ME3: variants seen among roughly 807,000 people sequenced by gnomAD.
The protein encoded by ME3 is NADP-dependent malic enzyme, mitochondrial.
Under a neutral mutation model 68.9 loss-of-function variants are expected in ME3, and 48 were observed. The observed-to-expected ratio is 0.70, with a 90% CI of 0.55 to 0.89. The LOEUF is 0.89. ME3 is among the 40% of genes least tolerant of loss of function. The probability of loss-of-function intolerance (pLI) is 0.00; values close to 1 mark genes in which losing one functional copy is unlikely to be tolerated. For missense variants in ME3, 675 were observed against 797.4 expected, an observed-to-expected ratio of 0.85 and a Z score of 1.85; for synonymous variants, 320 against 318.8, an observed-to-expected ratio of 1.00 and a Z score of -0.04.
intron 14 of ME3, 53 bp from the exon 15 acceptor site, chr11:86,441,493 A>G: frequency 6.7e-7 from 1 of 1,501,074 alleles, no homozygotes; most frequent in Non-Finnish European, 8.9e-7. Context: ...AAACCTGCTT[A>G]AGGATCCTTG....
intron 4 of ME3, among the ~76,000 whole-genome samples, chr11:86,530,512 T>C (rs201400707): frequency 1.4e-4 from 21 of 152,186 alleles, no homozygotes; most frequent in African/African-American, 4.8e-4. Flanking sequence ...AAAGTTCATA[T>C]GGAACCAAAA....
chr11:86,535,270 C>A (rs906328632), intron 4 of ME3, among the ~76,000 whole-genome samples: 1 of 152,160 alleles, frequency 6.6e-6, no homozygotes, highest in African/African-American at 2.4e-5. Flanking sequence ...ATCTGTTCTT[C>A]CAGTCAGTAA....
chr11:86,544,737 G>T (rs1024062174), intron 4 of ME3, among the ~76,000 whole-genome samples: 8 of 152,134 alleles, frequency 5.3e-5, no homozygotes, highest in Admixed American at 4.6e-4. Flanking sequence ...GTACAAAGAG[G>T]AACTGGTACC....
intron 2 of ME3, among the ~76,000 whole-genome samples, chr11:86,595,595 TTGAG>T (rs201945669): frequency 0.012 from 1,889 of 152,284 alleles, 15 homozygotes; most frequent in Middle Eastern, 0.027. Flanking sequence ...GAAGGATTGA[TTGAG>T]TGTCTCCTAT....
At chr11:86,654,449 A>G (rs1206447108) in intron 2 of ME3, among the ~76,000 whole-genome samples, 2 of 152,358 alleles carry the variant, frequency 1.3e-5, no homozygotes, top group East Asian at 3.9e-4. Flanking sequence ...AACATATGCA[A>G]ATCAATAAAC....
chr11:86,586,829 A>C (rs1006957981), intron 2 of ME3, among the ~76,000 whole-genome samples: 1 of 152,164 alleles, frequency 6.6e-6, no homozygotes, highest in African/African-American at 2.4e-5. Context: ...AGCAACCTCC[A>C]TATGAGAGGG....
intron 2 of ME3, 164 bp downstream of exon 2, chr11:86,671,598 G>A: frequency 2.6e-6 from 2 of 783,588 alleles, no homozygotes; most frequent in South Asian, 1.9e-5. Flanking sequence ...GGAGAGGAGG[G>A]ACAAGAAAGC....
chr11:86,498,802 G>A (rs1191704474), intron 5 of ME3, among the ~76,000 whole-genome samples: 3 of 152,040 alleles, frequency 2.0e-5, no homozygotes, highest in East Asian at 3.9e-4. Flanking sequence ...ATGATGATAG[G>A]AATAATTGTA....
At chr11:86,638,005 C>CACACAT (rs1491029613) in intron 2 of ME3, among the ~76,000 whole-genome samples, 4 of 143,530 alleles carry the variant, frequency 2.8e-5, no homozygotes, top group Non-Finnish European at 1.5e-5. Context: ...CACACACACA[C>CACACAT]ATAAGGAAGC....
intron 7 of ME3, among the ~76,000 whole-genome samples, chr11:86,475,294 C>G (rs1226909956): frequency 6.6e-6 from 1 of 152,142 alleles, no homozygotes; most frequent in African/African-American, 2.4e-5. Flanking sequence ...TCCCCTTTTG[C>G]TCTCCTGTTC....
chr11:86,554,695 A>C (rs1956845849), intron 4 of ME3, among the ~76,000 whole-genome samples: 2 of 152,194 alleles, frequency 1.3e-5, no homozygotes, highest in Non-Finnish European at 2.9e-5. Flanking sequence ...AGAGGATAAG[A>C]AAATCACCCA....
chr11:86,458,676 A>G (rs1331352996), intron 8 of ME3, among the ~76,000 whole-genome samples: 2 of 152,118 alleles, frequency 1.3e-5, no homozygotes, highest in African/African-American at 4.8e-5. Flanking sequence ...GACCAGGGGA[A>G]GTTTCATGGC....
intron 2 of ME3, among the ~76,000 whole-genome samples, chr11:86,568,370 C>G (rs1198697947): frequency 1.3e-5 from 2 of 152,188 alleles, no homozygotes; most frequent in African/African-American, 4.8e-5. Context: ...TAGTAGGAGG[C>G]CTCAAGACCC....
intron 2 of ME3, among the ~76,000 whole-genome samples, chr11:86,583,299 A>G (rs539795710): frequency 1.7e-4 from 26 of 152,336 alleles, no homozygotes; most frequent in African/African-American, 6.0e-4. Flanking sequence ...AGCAGATATT[A>G]GGTTGATGCA....
intron 7 of ME3, among the ~76,000 whole-genome samples, chr11:86,485,670 C>T (rs1363994983): frequency 6.6e-6 from 1 of 152,116 alleles, no homozygotes; most frequent in Middle Eastern, 3.2e-3. Context: ...TCCCCTTTAC[C>T]ACGTCCTCCC....
chr11:86,598,255 G>A (rs984411658), intron 2 of ME3, among the ~76,000 whole-genome samples: 9 of 152,212 alleles, frequency 5.9e-5, no homozygotes, highest in African/African-American at 1.4e-4. Flanking sequence ...CGAATACTGC[G>A]CTTTTCCGAC....
intron 2 of ME3, among the ~76,000 whole-genome samples, chr11:86,560,043 CTA>C (rs887490443): frequency 4.6e-5 from 7 of 152,136 alleles, no homozygotes; most frequent in African/African-American, 1.7e-4. Flanking sequence ...AATGGGGAAA[CTA>C]TCTGTATCAT....
intron 7 of ME3, among the ~76,000 whole-genome samples, chr11:86,467,637 T>G (rs1484705423): frequency 2.0e-5 from 3 of 148,594 alleles, no homozygotes; most frequent in African/African-American, 7.5e-5. Context: ...TTTCTGTCTC[T>G]CTCTGTGTGT....
chr11:86,666,727 G>A (rs1946609989), intron 2 of ME3, among the ~76,000 whole-genome samples: 1 of 152,188 alleles, frequency 6.6e-6, no homozygotes, highest in South Asian at 2.1e-4. Context: ...ATAATCCACT[G>A]TTTCTCTCAA....
Sources: gnomAD v4.1 joint callset for allele counts (sites outside exome capture counted in the v4.1 genomes callset) on GRCh38, gnomAD v4.1.1 for gene constraint, MANE v1.5 for transcripts, NCBI Gene and HGNC (gene_info 2026-07-23, HGNC 2026-07-21) for gene names.